The following PARD3B variants were observed in gnomAD, a reference collection of about 807,000 sequenced individuals.
PARD3B encodes par-3 family cell polarity regulator beta.
PARD3B carries 103 observed loss-of-function variants against 130.2 expected under a neutral mutation model. The observed-to-expected ratio is 0.79, with a 90% CI of 0.67 to 0.93. The LOEUF (loss-of-function observed/expected upper bound fraction) is 0.93. Ranked by LOEUF, PARD3B falls within the 40% of genes least tolerant of loss-of-function variation. The pLI, the probability that PARD3B is intolerant of heterozygous loss-of-function variation, is 0.00. For missense variants in PARD3B, 1,609 were observed against 1,499.2 expected, an observed-to-expected ratio of 1.07 and a Z score of -1.21; for synonymous variants, 583 against 553.2, an observed-to-expected ratio of 1.05 and a Z score of -0.76.
intron 18 of PARD3B, among the ~76,000 whole-genome samples, chr2:205,392,809 C>CA (rs1376703081): frequency 6.6e-6 from 1 of 152,182 alleles, no homozygotes; most frequent in East Asian, 1.9e-4. Context: ...TTAAAAGCTA[C>CA]AGGCATAGCC....
rs537256118 is a variant in PARD3B at position 204,906,788 on chromosome 2, C to T, written c.223-58364C>T. ...TTTTCAGGCTTAATTTTATGTTAAA[C>T]ATTTTACATTGGATTATTTCATCTG... On this transcript the variant is annotated intron_variant, in intron 2 of 22. Transcript: ENST00000406610. This position sits in a 1 kb window ranked among gnomAD's most constrained non-coding sequence, Gnocchi z 4.3. 1.8e-3 allele frequency among the ~76,000 whole-genome samples: 267 copies of T among 152,152 alleles called. 3 individuals carry two copies. The Middle Eastern group carries it at 0.02, about 12-fold the overall frequency.
chr2:204,559,938 A>T (rs917011762), intron 1 of PARD3B, among the ~76,000 whole-genome samples: 1 of 152,096 alleles, frequency 6.6e-6, no homozygotes, highest in Non-Finnish European at 1.5e-5. Flanking sequence ...TATCACAAAG[A>T]CAGAAAACCA....
At chr2:204,763,624 C>A (rs1338227987) in intron 2 of PARD3B, among the ~76,000 whole-genome samples, 1 of 152,138 alleles carries the variant, frequency 6.6e-6, no homozygotes, top group Non-Finnish European at 1.5e-5. Flanking sequence ...CATTTTTACT[C>A]CCAATAATAG....
chr2:205,467,438 A>C (rs1400915331), intron 20 of PARD3B, among the ~76,000 whole-genome samples: 6 of 152,244 alleles, frequency 3.9e-5, no homozygotes, highest in Non-Finnish European at 8.8e-5. Flanking sequence ...ACTCTATCCA[A>C]TAGAGATATA....
intron 16 of PARD3B, among the ~76,000 whole-genome samples, chr2:205,246,121 A>G (rs972565682): frequency 6.6e-6 from 1 of 152,234 alleles, no homozygotes; most frequent in Non-Finnish European, 1.5e-5. Flanking sequence ...AGAAAACCCA[A>G]GAAAGTTCAA....
chr2:205,374,949 C>T (rs892329349), intron 18 of PARD3B, among the ~76,000 whole-genome samples: 9 of 152,048 alleles, frequency 5.9e-5, no homozygotes, highest in Non-Finnish European at 1.2e-4. Flanking sequence ...GTTTCATAAT[C>T]AAATAATTTA....
chr2:204,803,251 A>G (rs896660985), intron 2 of PARD3B, among the ~76,000 whole-genome samples: 17 of 151,050 alleles, frequency 1.1e-4, no homozygotes, highest in Non-Finnish European at 1.9e-4. Flanking sequence ...AAGGGATTTC[A>G]TCAACACCAG....
intron 20 of PARD3B, among the ~76,000 whole-genome samples, chr2:205,484,457 G>A (rs955788837): frequency 4.6e-5 from 7 of 152,174 alleles, no homozygotes; most frequent in Non-Finnish European, 7.3e-5. Context: ...TGAAACTCGT[G>A]TCAATTAATT....
chr2:204,723,807 A>G (rs781720490), intron 2 of PARD3B, among the ~76,000 whole-genome samples: 1 of 152,186 alleles, frequency 6.6e-6, no homozygotes, highest in African/African-American at 2.4e-5. Flanking sequence ...AAAATTGACC[A>G]AGTAAGATAT....
intron 20 of PARD3B, among the ~76,000 whole-genome samples, chr2:205,451,476 G>A (rs1397990554): frequency 2.0e-5 from 3 of 152,102 alleles, no homozygotes. Context: ...ATTACCTTTA[G>A]ATGTCTTTTC....
chr2:205,197,032 G>GGTGTGTGT lies in PARD3B; in HGVS notation c.2140+3748_2140+3755dup, dbSNP rs1220147246. On this transcript the variant is annotated intron_variant, in intron 15 of 22. Transcript: ENST00000406610. ...AGGAATGCTTCCACTGTGGGGGGGGGGTGTGTGTGTGTGTGTGTGTGTGTG... is the reference window on the plus strand; with the variant it reads ...AGGAATGCTTCCACTGTGGGGGGGGGGTGTGTGTGTGTGTGTGTGTGTGTGTGTGTGTG... 4.4e-3 allele frequency among the ~76,000 whole-genome samples: 240 copies of GGTGTGTGT among 55,140 alleles called. 1 individual carries two copies. The highest frequency in any genetic ancestry group is 6.3e-3 in the Non-Finnish European group (194 of 30,940). 36.2% of individuals were successfully genotyped at this position (55,140 alleles called of 152,430 possible).
chr2:205,366,951 A>G lies in PARD3B; in HGVS notation c.2631-34062A>G, dbSNP rs1227163981. The stretch of plus-strand genomic sequence containing the variant: ...TCACACTTAGGTCTGGGAAGCTGTA[A>G]AAACAAAACCTGTGCTGAACAGCCC... On this transcript the variant is annotated intron_variant, in intron 18 of 22. Coordinates refer to ENST00000406610, the MANE Select transcript of PARD3B (RefSeq NM_001302769.2). This position sits in a 1 kb window ranked among gnomAD's most constrained non-coding sequence, Gnocchi z 5.0. Among the ~76,000 whole-genome samples, 2 of 152,212 alleles carry G rather than the reference A, an allele frequency of 1.3e-5. No homozygotes were observed. The highest frequency in any genetic ancestry group is 4.8e-5 in the African/African-American group (2 of 41,452).
chr2:205,092,447 A>C (rs936511102), intron 4 of PARD3B, among the ~76,000 whole-genome samples: 1 of 152,178 alleles, frequency 6.6e-6, no homozygotes, highest in African/African-American at 2.4e-5. Flanking sequence ...ATACTTAAGG[A>C]AGTTCTTGAG....
chr2:205,059,658 C>T (rs1270673900), intron 4 of PARD3B, among the ~76,000 whole-genome samples: 2 of 152,042 alleles, frequency 1.3e-5, no homozygotes, highest in Non-Finnish European at 2.9e-5. Context: ...TTGTAGGTGG[C>T]TTGAATTTCC....
In PARD3B at chr2:204,762,738, CTTTCTTT is replaced by C. The variant is rs146572590; in HGVS notation, c.222+76466_222+76472del. 6.2e-3 allele frequency among the ~76,000 whole-genome samples: 868 copies of C among 139,736 alleles called. 56 individuals carry two copies. The highest frequency in any genetic ancestry group is 0.019 in the East Asian group (90 of 4,634). The allele number at this position is 139,736 out of a possible 152,430, so 91.7% of individuals were successfully genotyped here. ...GGGGACTTAACTGCCAGCTGTTCAT[CTTTCTTT>C]TTTCTTTTTCTTTTTCTTTTTTTTT... is the stretch of plus-strand genomic sequence containing the variant. On this transcript the variant is annotated intron_variant, in intron 2 of 22. Transcript: ENST00000406610.
rs1382930329 is a variant in PARD3B, at chr2:205,407,067, A to G, written c.2741+5944A>G. On this transcript the variant is annotated intron_variant, in intron 19 of 22. Coordinates refer to ENST00000406610, the MANE Select transcript of PARD3B (RefSeq NM_001302769.2). The surrounding 1 kb of genome is among the most constrained non-coding windows in gnomAD (Gnocchi z 4.1). ...AATATCTAAATATCTTAAGTATGGA[A>G]GCATTTACTTTTACTTTTCTAGAGC... is the stretch of plus-strand genomic sequence containing the variant. Among the ~76,000 whole-genome samples the G allele has an allele frequency of 2.0e-5, 3 of 152,134 alleles. No individual in the cohort carries two copies. Among genetic ancestry groups the G allele is most frequent in the Non-Finnish European group, 4.4e-5 (3 of 68,032 alleles).
In PARD3B at chr2:205,585,561, T is replaced by C. The variant is rs894684285; in HGVS notation, c.3261-29895T>C. On this transcript the variant is annotated intron_variant, in intron 22 of 22. Transcript: ENST00000406610. This position sits in a 1 kb window ranked among gnomAD's most constrained non-coding sequence, Gnocchi z 5.4. ...AGGCCAGCTGTGTGGCAGGGACTGT[T>C]GGTGCAGGTCACTTCTCCAGGCAGG... is the stretch of plus-strand genomic sequence containing the variant. Among the ~76,000 whole-genome samples, 1 of 152,180 alleles carries C rather than the reference T, an allele frequency of 6.6e-6. No individual in the cohort carries two copies. Among genetic ancestry groups the C allele is most frequent in the African/African-American group, 2.4e-5 (1 of 41,452 alleles).
At chr2:204,851,241 A>G (rs907785107) in intron 2 of PARD3B, among the ~76,000 whole-genome samples, 3 of 152,156 alleles carry the variant, frequency 2.0e-5, no homozygotes, top group African/African-American at 4.8e-5. Context: ...AAAAATTGCT[A>G]AACAAAAATA....
At chr2:205,432,537 G>T (rs183285085) in intron 19 of PARD3B, among the ~76,000 whole-genome samples, 97 of 152,116 alleles carry the variant, frequency 6.4e-4, no homozygotes, top group Admixed American at 3.5e-3. Flanking sequence ...CTTTATATCT[G>T]CTGTCTCTCT....
Sources: allele counts gnomAD v4.1 joint callset (sites outside exome capture counted in the v4.1 genomes callset), GRCh38; gene constraint gnomAD v4.1.1; non-coding constraint Gnocchi (gnomAD v3.1); transcripts MANE v1.5; gene names NCBI Gene and HGNC (gene_info 2026-07-23, HGNC 2026-07-21).